The following LRP1 variants were observed in gnomAD, a reference collection of about 807,000 sequenced individuals.
LRP1 encodes the protein LDL receptor related protein 1.
A neutral mutation model predicts 541.5 loss-of-function variants in LRP1; 51 were observed. The ratio of observed to expected loss-of-function variants is 0.09; its 90% CI spans 0.08 to 0.12. LRP1 has a LOEUF of 0.12. Among genes scored for constraint, LRP1 ranks in the 10% least tolerant of loss-of-function variants. The pLI is 1.00. For missense variants in LRP1, 3,878 were observed against 6,376.2 expected (o/e 0.61, Z 13.34); for synonymous variants, 2,219 against 2,470.8 (o/e 0.90, Z 3.02).
In LRP1 at chr12:57,132,679, C is replaced by T. The variant is rs78441747; in HGVS notation, c.67+3648C>T. 9.4e-3 allele frequency among the ~76,000 whole-genome samples: 1,423 copies of T among 152,140 alleles called. 22 individuals are homozygous for T. The highest frequency in any genetic ancestry group is 0.032 in the African/African-American group (1,326 of 41,488). On this transcript the variant is annotated intron_variant, in intron 1 of 88. Coordinates refer to ENST00000243077, the MANE Select transcript of LRP1 (RefSeq NM_002332.3). The stretch of plus-strand genomic sequence containing the variant: ...TCTTGGCTTTTTAGAACCTCTCTGT[C>T]TCTCACCCTCTCAGTTCATCTCTTA...
rs769545408 is a variant in LRP1 at position 57,173,367 on chromosome 12, G to C, written c.3346+17G>C. 15 of 1,609,598 alleles carry C rather than the reference G, an allele frequency of 9.3e-6. 1 individual carries two copies. Among genetic ancestry groups the C allele is most frequent in the Non-Finnish European group, 1.1e-5 (13 of 1,177,002 alleles). On this transcript the variant is annotated intron_variant, in intron 21 of 88. Transcript: ENST00000243077. The surrounding 1 kb of genome is among the most constrained non-coding windows in gnomAD (Gnocchi z 4.7). ...AGGACTCAGGTGAAGAGGATGGTTGGAGGGCGTCTGGAACAGCACAATGTG... is the reference window on the plus strand; with the variant it reads ...AGGACTCAGGTGAAGAGGATGGTTGCAGGGCGTCTGGAACAGCACAATGTG...
At chr12:57,195,229 A>G (rs1234204187) in intron 51 of LRP1, 42 bp from the exon 52 acceptor site, 1 of 1,606,856 alleles carries the variant, frequency 6.2e-7, no homozygotes, top group African/African-American at 1.3e-5. Flanking sequence ...GACCTGATCT[A>G]CCCGCTCCTA....
At chr12:57,194,241 A>C in intron 48 of LRP1, 113 bp from the exon 49 acceptor site, 1 of 1,238,176 alleles carries the variant, frequency 8.1e-7, no homozygotes, top group Non-Finnish European at 1.1e-6. Context: ...CCCCACCAGA[A>C]GGGCACCGTT....
chr12:57,162,648 G>A lies in LRP1; in HGVS notation c.2404+130G>A. On this transcript the variant is annotated intron_variant, in intron 14 of 88. Coordinates refer to ENST00000243077, the MANE Select transcript of LRP1 (RefSeq NM_002332.3). The surrounding 1 kb of genome is among the most constrained non-coding windows in gnomAD (Gnocchi z 5.2). ...AGGCTCTGACTTTTGAGGATCCTGA[G>A]AAGAGAACTCCCCCAACACAATCTG... The A allele has an allele frequency of 8.6e-7, 1 of 1,159,448 alleles. No homozygotes were observed. Among genetic ancestry groups the A allele is most frequent in the Non-Finnish European group, 1.2e-6 (1 of 815,206 alleles). 71.8% of individuals were successfully genotyped at this position (1,159,448 alleles called of 1,614,324 possible). A position where few individuals can be genotyped will look rare whatever the true frequency, so the allele number is the denominator to read the frequency against.
At position 57,158,536 on chromosome 12, in the gene LRP1, T is replaced by G; in HGVS notation, c.1696T>G (p.Phe566Val). The G allele has an allele frequency of 6.2e-7, 1 of 1,614,180 alleles. No individual in the cohort carries two copies. Among genetic ancestry groups the G allele is most frequent in the Non-Finnish European group, 8.5e-7 (1 of 1,180,020 alleles). Residue 566 changes from phenylalanine (F) to valine (V), a missense_variant, in exon 11 of 89, where the codon TTC becomes GTC. Transcript: ENST00000243077. The surrounding 1 kb of genome is among the most constrained non-coding windows in gnomAD (Gnocchi z 5.3). The part of the protein sequence containing the change: ...ENLMNPRALD[F>V]HAETGFIYFA... ...CCTCATGAACCCCCGAGCCCTGGAC[T>G]TCCACGCTGAGACCGGCTTCATCTA...
At chr12:57,152,958 G>A (rs895791980) in intron 6 of LRP1, among the ~76,000 whole-genome samples, 4 of 152,138 alleles carry the variant, frequency 2.6e-5, no homozygotes, top group African/African-American at 9.7e-5. Context: ...GGGAGGAGGG[G>A]GAATTAGGGA....
chr12:57,207,946 G>C lies in LRP1; in HGVS notation c.11860-92G>C, dbSNP rs909139903. ...AGCCAGGGTCCTGGCTGTGAGCCTG[G>C]GGTGACGTTCCAGCAGGCTGGCAGA... On this transcript the variant is annotated intron_variant, in intron 76 of 88. Transcript: ENST00000243077. The C allele has an allele frequency of 1.3e-5, 18 of 1,410,720 alleles. No homozygotes were observed. In the African/African-American group the frequency reaches 2.5e-4, roughly 20 times the overall value. 87.4% of individuals were successfully genotyped at this position (1,410,720 alleles called of 1,614,324 possible).
In LRP1 at chr12:57,185,521, C is replaced by G. The variant is rs1005701705; in HGVS notation, c.6464-10C>G. 3.2e-6 allele frequency: 5 copies of G among 1,576,624 alleles called. No individual in the cohort carries two copies. The African/African-American group carries it at 6.7e-5, about 21-fold the overall frequency. The stretch of plus-strand genomic sequence containing the variant: ...GCAGGCCCTGCCCTCTGTACCCTCC[C>G]CTCCCCCAGGCACCAACGTGTGCGC... On this transcript the variant is annotated splice_polypyrimidine_tract_variant and intron_variant, in intron 40 of 88. Transcript: ENST00000243077. The surrounding 1 kb of genome is among the most constrained non-coding windows in gnomAD (Gnocchi z 4.9).
intron 15 of LRP1, among the ~76,000 whole-genome samples, chr12:57,164,042 A>T (rs2035791612): frequency 6.6e-6 from 1 of 152,104 alleles, no homozygotes; most frequent in African/African-American, 2.4e-5. Flanking sequence ...ATGGTGTCAC[A>T]CGCCTGTAGT....
chr12:57,167,403 A>G, intron 18 of LRP1, 41 bp from the exon 19 acceptor site: 1 of 1,396,574 alleles, frequency 7.2e-7, no homozygotes, highest in Non-Finnish European at 1.0e-6. Context: ...GATGCTGTGT[A>G]ATCGTGAAGG....
rs1260462602 is a variant in LRP1, at chr12:57,196,910, C to CT, written c.8893-71dup. The CT allele has an allele frequency of 2.2e-6, 3 of 1,358,334 alleles. No homozygotes were observed. In the African/African-American group the frequency reaches 4.3e-5, roughly 20 times the overall value. 84.1% of individuals were successfully genotyped at this position (1,358,334 alleles called of 1,614,324 possible). ...GGCCGGGTAGAGGGAATTGGAGTCT[C>CT]TGAGCCAGGTCTCCAGGGTGGGAGG... On this transcript the variant is annotated intron_variant, in intron 55 of 88. Transcript: ENST00000243077.
In LRP1 at chr12:57,201,841, G is replaced by A. The variant is rs147378179; in HGVS notation, c.10530G>A (p.Ala3510=). 213 of 1,614,102 alleles carry A rather than the reference G, an allele frequency of 1.3e-4. No homozygotes were observed. The highest frequency in any genetic ancestry group is 1.7e-4 in the Non-Finnish European group (196 of 1,180,002). Residue 3510 remains alanine (A), a synonymous_variant, in exon 67 of 89, where the codon GCG becomes GCA. Coordinates refer to ENST00000243077, the MANE Select transcript of LRP1 (RefSeq NM_002332.3). This position sits in a 1 kb window ranked among gnomAD's most constrained non-coding sequence, Gnocchi z 6.4. ...RCKDSGRCIP[A]RWKCDGEDDC... is the part of the protein sequence containing the mutation. ...AGGATTCGGGCCGCTGCATCCCAGC[G>A]CGTTGGAAGTGTGACGGAGAGGATG... is the stretch of plus-strand genomic sequence containing the variant.
At position 57,204,142 on chromosome 12, in the gene LRP1, G is replaced by A. The variant is rs1016842684; in HGVS notation, c.10952-268G>A. ...GTGCTGTTCCCACGTCCCCGCTGTG[G>A]AACTACACAGCACAGTGCCCTGCCA... On this transcript the variant is annotated intron_variant, in intron 70 of 88. Transcript: ENST00000243077. The surrounding 1 kb of genome is among the most constrained non-coding windows in gnomAD (Gnocchi z 5.3). 1 of 372,138 alleles carries A rather than the reference G, an allele frequency of 2.7e-6. No homozygotes were observed. Among genetic ancestry groups the A allele is most frequent in the Non-Finnish European group, 4.8e-6 (1 of 206,996 alleles). 23.1% of individuals were successfully genotyped at this position (372,138 alleles called of 1,614,324 possible).
At chr12:57,140,100 A>G (rs1168719321) in intron 2 of LRP1, among the ~76,000 whole-genome samples, 2 of 150,256 alleles carry the variant, frequency 1.3e-5, no homozygotes, top group Non-Finnish European at 3.0e-5. Flanking sequence ...GTTGGCCACA[A>G]CCTTTTTTTT....
chr12:57,198,731 C>A, intron 60 of LRP1, 61 bp downstream of exon 60: 1 of 1,473,518 alleles, frequency 6.8e-7, no homozygotes, highest in Non-Finnish European at 9.3e-7. Context: ...AGGTCTGAAG[C>A]GACAGGGGAT....
chr12:57,177,363 TC>T lies in LRP1; in HGVS notation c.4197-61del. On this transcript the variant is annotated intron_variant, in intron 25 of 88. Transcript: ENST00000243077. This position sits in a 1 kb window ranked among gnomAD's most constrained non-coding sequence, Gnocchi z 6.8. Reference sequence around the variant, plus strand: ...GCCTCCTCCCACCCTCTACCTACGATCCCACCACAGTCGCTCCCTGAGGGCC... The same window carrying T: ...GCCTCCTCCCACCCTCTACCTACGATCCACCACAGTCGCTCCCTGAGGGCC... The T allele has an allele frequency of 6.4e-7, 1 of 1,560,684 alleles. No homozygotes were observed. Among genetic ancestry groups the T allele is most frequent in the Non-Finnish European group, 8.7e-7 (1 of 1,146,680 alleles).
Position 57,197,410 on chromosome 12 carries a change from G to T in LRP1, c.9162+26G>T, listed in dbSNP as rs763783687. On this transcript the variant is annotated intron_variant, in intron 57 of 88. Coordinates refer to ENST00000243077, the MANE Select transcript of LRP1 (RefSeq NM_002332.3). The surrounding 1 kb of genome is among the most constrained non-coding windows in gnomAD (Gnocchi z 4.5). ...GTACCAAACCCAGGCCCTCCTCCCC[G>T]CTGCCCATCTCCCAGACCCAGCACA... The T allele has an allele frequency of 3.7e-6, 6 of 1,609,468 alleles. No individual in the cohort carries two copies. The highest frequency in any genetic ancestry group is 5.1e-6 in the Non-Finnish European group (6 of 1,176,670).
In LRP1 at chr12:57,189,381, G is replaced by A. The variant is rs1261744832; in HGVS notation, c.7032-1424G>A. Among the ~76,000 whole-genome samples, 12 of 152,074 alleles carry A rather than the reference G, an allele frequency of 7.9e-5. No individual in the cohort carries two copies. The highest frequency in any genetic ancestry group is 7.9e-4 in the Admixed American group (12 of 15,268). On this transcript the variant is annotated intron_variant, in intron 42 of 88. Transcript: ENST00000243077. This position sits in a 1 kb window ranked among gnomAD's most constrained non-coding sequence, Gnocchi z 4.4. Reference sequence around the variant, plus strand: ...CCCAGGATACCCATTTTCCCTTATGGAGGCTAGAAGGACACGCCGCCTCCC... The same window carrying A: ...CCCAGGATACCCATTTTCCCTTATGAAGGCTAGAAGGACACGCCGCCTCCC...
intron 24 of LRP1, 89 bp from the exon 25 acceptor site, chr12:57,176,952 G>A: frequency 9.1e-7 from 1 of 1,097,672 alleles, no homozygotes; most frequent in South Asian, 1.3e-5. Flanking sequence ...CCAGGGTTGA[G>A]GGTGGGTCAT....
Sources: gnomAD v4.1 joint callset for allele counts (sites outside exome capture counted in the v4.1 genomes callset) on GRCh38, gnomAD v4.1.1 for gene constraint, Gnocchi (gnomAD v3.1) non-coding constraint, MANE v1.5 for transcripts, NCBI Gene and HGNC (gene_info 2026-07-23, HGNC 2026-07-21) for gene names.